OSBPL8: variants seen among roughly 807,000 people sequenced by gnomAD.
OSBPL8 encodes oxysterol-binding protein-related protein 8.
Under a neutral mutation model 125.5 loss-of-function variants are expected in OSBPL8, and 59 were observed. The observed-to-expected ratio is 0.47, with a 90% confidence interval of 0.38 to 0.58. The LOEUF (loss-of-function observed/expected upper bound fraction) is 0.58, where lower values mean the gene tolerates loss of function less well. Ranked by LOEUF, OSBPL8 falls within the 20% of genes least tolerant of loss-of-function variation. The probability of loss-of-function intolerance (pLI) is 0.00; values close to 1 mark genes in which losing one functional copy is unlikely to be tolerated. For missense variants in OSBPL8, 758 were observed against 1,047.8 expected, an observed-to-expected ratio of 0.72 and a Z score of 3.82; for synonymous variants, 330 against 338.9, an observed-to-expected ratio of 0.97 and a Z score of 0.29.
intron 2 of OSBPL8, among the ~76,000 whole-genome samples, chr12:76,472,677 G>GGA (rs1413448376): frequency 6.6e-6 from 1 of 152,114 alleles, no homozygotes; most frequent in African/African-American, 2.4e-5. Context: ...AGAGAGACAG[G>GGA]GAGAGAGAGA....
At chr12:76,367,983 T>C (rs1381322026) in intron 21 of OSBPL8, among the ~76,000 whole-genome samples, 2 of 152,256 alleles carry the variant, frequency 1.3e-5, no homozygotes, top group African/African-American at 4.8e-5. Context: ...AAACTAAAAT[T>C]ACAATAGCAC....
intron 1 of OSBPL8, among the ~76,000 whole-genome samples, chr12:76,557,603 GAC>G (rs1951144948): frequency 8.5e-6 from 1 of 117,508 alleles, no homozygotes; most frequent in Non-Finnish European, 1.7e-5. Context: ...TACAGAGTGA[GAC>G]AGTCTTAAAA....
Position 76,443,782 on chromosome 12 carries a change from T to C in OSBPL8, c.217+7069A>G, listed in dbSNP as rs184546375. 3.0e-3 allele frequency among the ~76,000 whole-genome samples: 453 copies of C among 152,256 alleles called. 7 individuals carry two copies. Among genetic ancestry groups the C allele is most frequent in the Admixed American group, 0.021 (321 of 15,280 alleles). Reference sequence around the variant, plus strand: ...TTGGCCTCCCAAAGTTCTGCTATTATAGGCATGAGACACTGCACCCGGCCC... The same window carrying C: ...TTGGCCTCCCAAAGTTCTGCTATTACAGGCATGAGACACTGCACCCGGCCC... On this transcript the variant is annotated intron_variant, in intron 4 of 23. Transcript: ENST00000261183.
chr12:76,463,332 G>A (rs992891966), intron 2 of OSBPL8, among the ~76,000 whole-genome samples: 11 of 152,156 alleles, frequency 7.2e-5, no homozygotes, highest in African/African-American at 2.7e-4. Context: ...GGAAGGATGG[G>A]ACTTTCATTA....
At chr12:76,356,749 A>G (rs1952001391) in intron 22 of OSBPL8, 21 bp from the exon 23 acceptor site, 1 of 1,464,974 alleles carries the variant, frequency 6.8e-7, no homozygotes, top group Admixed American at 1.8e-5. Flanking sequence ...ATTTAGAATG[A>G]AGTTGAAACT....
rs533753189 is a variant in OSBPL8 at position 76,559,547 on chromosome 12, G to T, written c.-218C>A. On this transcript the variant is annotated 5_prime_UTR_variant, in exon 1 of 24. Coordinates refer to ENST00000261183, the MANE Select transcript of OSBPL8 (RefSeq NM_020841.5). ...CGGCAGCTGGGGCGCGAGCCTGGAC[G>T]AAGGGCGCTGCCCAGCGGCCGCGGA... 1.3e-5 allele frequency: 2 copies of T among 152,356 alleles called. No homozygotes were observed. The highest frequency in any genetic ancestry group is 2.9e-5 in the Non-Finnish European group (2 of 68,070). The allele number at this position is 152,356 out of a possible 1,614,324, so 9.4% of individuals were successfully genotyped here.
intron 1 of OSBPL8, among the ~76,000 whole-genome samples, chr12:76,542,902 T>G (rs1950685176): frequency 6.6e-6 from 1 of 152,198 alleles, no homozygotes; most frequent in Non-Finnish European, 1.5e-5. Context: ...ACTCTTTCAG[T>G]TCTTAGCAAA....
chr12:76,371,202 T>C (rs1390941014), intron 19 of OSBPL8: 2 of 303,710 alleles, frequency 6.6e-6, no homozygotes, highest in Non-Finnish European at 5.9e-6. Flanking sequence ...TTCTTTCTTT[T>C]TTTTTAAGGT....
chr12:76,513,544 T>C (rs911008592), intron 1 of OSBPL8, among the ~76,000 whole-genome samples: 11 of 152,176 alleles, frequency 7.2e-5, no homozygotes, highest in African/African-American at 2.7e-4. Context: ...CCCACTATTA[T>C]CGTGCGGGAG....
chr12:76,420,810 T>G (rs1869381319), intron 4 of OSBPL8, among the ~76,000 whole-genome samples: 1 of 152,060 alleles, frequency 6.6e-6, no homozygotes, highest in Non-Finnish European at 1.5e-5. Context: ...AAGTACTTAA[T>G]TCCATTCTAC....
At position 76,355,362 on chromosome 12, in the gene OSBPL8, G is replaced by C. The variant is rs1358835997; in HGVS notation, c.*527C>G. 1 of 152,040 alleles carries C rather than the reference G, an allele frequency of 6.6e-6. No homozygotes were observed. The highest frequency in any genetic ancestry group is 1.5e-5 in the Non-Finnish European group (1 of 67,952). The allele number at this position is 152,040 out of a possible 1,614,324, so 9.4% of individuals were successfully genotyped here. ...TTTCTTTCTTTCTAAGAAGATAATT[G>C]AGCTGAGTGCTTTGCAAATGATTTT... On this transcript the variant is annotated 3_prime_UTR_variant, in exon 24 of 24. Transcript: ENST00000261183.
chr12:76,368,295 C>T (rs754820917), intron 21 of OSBPL8, among the ~76,000 whole-genome samples: 10 of 152,072 alleles, frequency 6.6e-5, no homozygotes, highest in Non-Finnish European at 1.2e-4. Context: ...ATGGATGATC[C>T]CCAGTGTATG....
At chr12:76,541,959 G>T (rs990935431) in intron 1 of OSBPL8, among the ~76,000 whole-genome samples, 8 of 152,112 alleles carry the variant, frequency 5.3e-5, no homozygotes, top group African/African-American at 1.9e-4. Context: ...ATCACCTGAG[G>T]TTGGGAGTTC....
chr12:76,503,652 C>A (rs1484223488), intron 1 of OSBPL8, among the ~76,000 whole-genome samples: 5 of 152,176 alleles, frequency 3.3e-5, no homozygotes, highest in African/African-American at 9.7e-5. Flanking sequence ...CATCCTCCTG[C>A]CTCAGCCTCC....
At chr12:76,507,625 G>A (rs946978209) in intron 1 of OSBPL8, among the ~76,000 whole-genome samples, 6 of 151,558 alleles carry the variant, frequency 4.0e-5, no homozygotes, top group Non-Finnish European at 7.4e-5. Flanking sequence ...TTTGAGACCA[G>A]CCTGGCCAAC....
chr12:76,397,349 G>T (rs919971095), intron 8 of OSBPL8, among the ~76,000 whole-genome samples: 4 of 143,954 alleles, frequency 2.8e-5, no homozygotes, highest in Admixed American at 1.4e-4. Context: ...GGGTGGGGAG[G>T]GGGGGTGGGG....
intron 1 of OSBPL8, among the ~76,000 whole-genome samples, chr12:76,507,573 A>C (rs2137158388): frequency 6.6e-6 from 1 of 151,788 alleles, no homozygotes; most frequent in African/African-American, 2.4e-5. Flanking sequence ...TAATCCCAGC[A>C]GTTTGGGAGG....
At chr12:76,503,155 T>G (rs899889306) in intron 1 of OSBPL8, among the ~76,000 whole-genome samples, 4 of 152,222 alleles carry the variant, frequency 2.6e-5, no homozygotes, top group Admixed American at 2.6e-4. Context: ...TTGTATTAAT[T>G]TTCTAGCGTT....
chr12:76,361,807 C>T (rs181056748), intron 21 of OSBPL8, among the ~76,000 whole-genome samples: 1 of 152,278 alleles, frequency 6.6e-6, no homozygotes, highest in East Asian at 1.9e-4. Context: ...AAACCACCCC[C>T]TTGATTCAAA....
Sources: allele counts gnomAD v4.1 joint callset (sites outside exome capture counted in the v4.1 genomes callset), GRCh38; gene constraint gnomAD v4.1.1; transcripts MANE v1.5; gene names NCBI Gene and HGNC (gene_info 2026-07-23, HGNC 2026-07-21).